Variants in TEAD1 observed in about 807,000 individuals in gnomAD.
The protein encoded by TEAD1 is transcriptional enhancer factor TEF-1.
TEAD1 carries 9 observed loss-of-function variants against 54.9 expected under a neutral mutation model. That is an observed-to-expected ratio of 0.16 (90% confidence interval 0.10 to 0.29). The LOEUF (loss-of-function observed/expected upper bound fraction) is 0.29, where lower values mean the gene tolerates loss of function less well. Among genes scored for constraint, TEAD1 ranks in the 10% least tolerant of loss-of-function variants. The pLI is 1.00. For synonymous variants in TEAD1, 200 were observed against 187.8 expected (o/e 1.07, Z -0.53); for missense variants, 387 against 535.9 (o/e 0.72, Z 2.74).
chr11:12,733,962 C>T (rs907892060), intron 2 of TEAD1, among the ~76,000 whole-genome samples: 8 of 152,208 alleles, frequency 5.3e-5, no homozygotes, highest in African/African-American at 1.9e-4. Flanking sequence ...CTCTGTTGCC[C>T]AGGATGGAGT....
intron 5 of TEAD1, among the ~76,000 whole-genome samples, chr11:12,879,133 G>A (rs573823530): frequency 7.2e-5 from 11 of 152,126 alleles, no homozygotes; most frequent in Non-Finnish European, 1.5e-4. Context: ...ATGCTGCTTG[G>A]CCCTGTTACC....
In TEAD1 at chr11:12,870,704, G is replaced by A. The variant is rs192822143; in HGVS notation, c.330+5804G>A. ...AGTTAGAGACCAGCCTGGGCAACAC[G>A]GTGAAACCCCGTCTCTACTAAAATA... On this transcript the variant is annotated intron_variant, in intron 5 of 12. Coordinates refer to ENST00000527636, the MANE Select transcript of TEAD1 (RefSeq NM_021961.6). Among the ~76,000 whole-genome samples the A allele has an allele frequency of 6.5e-3, 992 of 152,080 alleles. 5 individuals are homozygous for A. Among genetic ancestry groups the A allele is most frequent in the African/African-American group, 0.015 (616 of 41,496 alleles).
chr11:12,882,029 C>A, intron 8 of TEAD1, 72 bp downstream of exon 8: 1 of 1,529,908 alleles, frequency 6.5e-7, no homozygotes, highest in Non-Finnish European at 9.0e-7. Context: ...GCACTTTGTT[C>A]CCAGAGTCAA....
chr11:12,720,844 C>A (rs539529928), intron 2 of TEAD1, among the ~76,000 whole-genome samples: 1 of 152,292 alleles, frequency 6.6e-6, no homozygotes, highest in African/African-American at 2.4e-5. Context: ...GACCCTCTCC[C>A]AGCATTCCCA....
At chr11:12,676,076 A>G (rs1161524497) in intron 2 of TEAD1, among the ~76,000 whole-genome samples, 2 of 152,226 alleles carry the variant, frequency 1.3e-5, no homozygotes, top group Non-Finnish European at 2.9e-5. Context: ...TAAAAAGGCC[A>G]TGTTTAAAAA....
chr11:12,752,219 T>G (rs1564928307), intron 2 of TEAD1, among the ~76,000 whole-genome samples: 1 of 150,242 alleles, frequency 6.7e-6, no homozygotes, highest in Non-Finnish European at 1.5e-5. Context: ...GGCAGTTTTT[T>G]TTTTTTTTTT....
In TEAD1 at chr11:12,812,934, G is replaced by A. The variant is rs943955244; in HGVS notation, c.202+48500G>A. On this transcript the variant is annotated intron_variant, in intron 3 of 12. Transcript: ENST00000527636. The stretch of plus-strand genomic sequence containing the variant: ...CTAGACTGTTAAGAGGGGCTAATGT[G>A]GTAGCAGCCTCCTGGCACAAAGGCA... Among the ~76,000 whole-genome samples, 3 of 152,214 alleles carry A rather than the reference G, an allele frequency of 2.0e-5. No individual in the cohort carries two copies. In the South Asian group the frequency reaches 6.2e-4, roughly 32 times the overall value.
At chr11:12,832,955 C>G (rs906074470) in intron 3 of TEAD1, among the ~76,000 whole-genome samples, 2 of 152,250 alleles carry the variant, frequency 1.3e-5, no homozygotes, top group African/African-American at 4.8e-5. Flanking sequence ...CCACATCTGT[C>G]TTTTCATCTT....
intron 10 of TEAD1, among the ~76,000 whole-genome samples, chr11:12,914,088 C>T (rs1228183235): frequency 6.6e-6 from 1 of 152,184 alleles, no homozygotes; most frequent in East Asian, 1.9e-4. Flanking sequence ...GTGAAGTTGC[C>T]ACTAGTGGTC....
intron 2 of TEAD1, among the ~76,000 whole-genome samples, chr11:12,726,554 G>GA (rs11378743): frequency 0.45 from 68,887 of 151,852 alleles, 16,579 homozygotes; most frequent in African/African-American, 0.61. Flanking sequence ...AGTATGGGGG[G>GA]AAAAAAAGTA....
intron 3 of TEAD1, among the ~76,000 whole-genome samples, chr11:12,777,112 G>T (rs899911470): frequency 6.6e-6 from 1 of 151,836 alleles, no homozygotes; most frequent in African/African-American, 2.4e-5. Context: ...TTTAAAGTTT[G>T]TTCTTGTGTC....
At chr11:12,899,151 A>G (rs1333397467) in intron 9 of TEAD1, among the ~76,000 whole-genome samples, 1 of 152,182 alleles carries the variant, frequency 6.6e-6, no homozygotes, top group African/African-American at 2.4e-5. Flanking sequence ...TAAGGCTTGT[A>G]TCTCATGCCT....
chr11:12,933,322 G>T (rs529931897), intron 12 of TEAD1, among the ~76,000 whole-genome samples: 18 of 152,202 alleles, frequency 1.2e-4, no homozygotes, highest in African/African-American at 3.4e-4. Context: ...AGAATTAATA[G>T]TTTAGTTTTA....
Position 12,883,052 on chromosome 11 carries a change from G to T in TEAD1, c.626G>T (p.Arg209Leu). ...CCCTCAGTCCCTGCCTGGCAAGGTC[G>T]CTCCATTGGCACAACCAAGCTTCGC... The change falls in exon 9 of 13, where the codon CGC (arginine) becomes CTC (leucine). Residue 209 changes from arginine (R) to leucine (L), a missense_variant. Coordinates refer to ENST00000527636, the MANE Select transcript of TEAD1 (RefSeq NM_021961.6). The T allele has an allele frequency of 1.2e-6, 2 of 1,614,162 alleles. No individual in the cohort carries two copies. Among genetic ancestry groups the T allele is most frequent in the Non-Finnish European group, 1.7e-6 (2 of 1,180,034 alleles).
rs547903916 is a variant in TEAD1, at chr11:12,703,479, A to G, written c.-55+27918A>G. Among the ~76,000 whole-genome samples the G allele has an allele frequency of 5.3e-5, 8 of 152,044 alleles. No homozygotes were observed. The South Asian group carries it at 1.2e-3, about 24-fold the overall frequency. ...GTTTTGCCTGCCCAAGCCTCCCTAT[A>G]TTTTCTTAAAGCACCTCCTTTAGGA... is the stretch of plus-strand genomic sequence containing the variant. On this transcript the variant is annotated intron_variant, in intron 2 of 12. Transcript: ENST00000527636.
chr11:12,723,991 A>G (rs1944263685), intron 2 of TEAD1, among the ~76,000 whole-genome samples: 1 of 152,162 alleles, frequency 6.6e-6, no homozygotes, highest in African/African-American at 2.4e-5. Context: ...TCCTATACAT[A>G]CCATGGCCAC....
At chr11:12,737,757 T>G (rs1245031257) in intron 2 of TEAD1, among the ~76,000 whole-genome samples, 1 of 152,210 alleles carries the variant, frequency 6.6e-6, no homozygotes, top group Non-Finnish European at 1.5e-5. Flanking sequence ...TCTTTTCTCC[T>G]ATGTGAAACA....
At chr11:12,877,153 A>C (rs1331406887) in intron 5 of TEAD1, among the ~76,000 whole-genome samples, 1 of 152,200 alleles carries the variant, frequency 6.6e-6, no homozygotes, top group Admixed American at 6.5e-5. Context: ...TAAGAAGGAG[A>C]TAACAGCAGC....
At chr11:12,912,875 C>T (rs1218953735) in intron 10 of TEAD1, among the ~76,000 whole-genome samples, 2 of 152,096 alleles carry the variant, frequency 1.3e-5, no homozygotes, top group African/African-American at 4.8e-5. Context: ...TGTCCTGGGT[C>T]CTTTGTCTCT....
Sources: allele counts gnomAD v4.1 joint callset (sites outside exome capture counted in the v4.1 genomes callset), GRCh38; gene constraint gnomAD v4.1.1; transcripts MANE v1.5; gene names NCBI Gene and HGNC (gene_info 2026-07-23, HGNC 2026-07-21).